Variants in NHSL3 observed in about 807,000 individuals in gnomAD.
NHSL3 encodes the protein NHS like 3, also known as NHS-like protein 3.
At chr1:32,762,267 G>A in the NHSL3 span, among the ~76,000 whole-genome samples, 1 of 152,018 alleles carries the variant, frequency 6.6e-6, no homozygotes, top group African/African-American at 2.4e-5. Context: ...GTGTTGCTTG[G>A]GAGCCTCTGT....
chr1:32,757,652 T>C, the NHSL3 span, among the ~76,000 whole-genome samples: 1 of 152,162 alleles, frequency 6.6e-6, no homozygotes, highest in Non-Finnish European at 1.5e-5. Flanking sequence ...AGTTAATTCA[T>C]TTGTCCTTTG....
At chr1:32,757,847 CATCTT>C in the NHSL3 span, among the ~76,000 whole-genome samples, 64 of 152,252 alleles carry the variant, frequency 4.2e-4, no homozygotes, top group Middle Eastern at 3.4e-3. Context: ...AGAAGGGTGT[CATCTT>C]ATGACACCCT....
At chr1:32,745,981 A>T in the NHSL3 span, among the ~76,000 whole-genome samples, 1 of 152,158 alleles carries the variant, frequency 6.6e-6, no homozygotes, top group African/African-American at 2.4e-5. Flanking sequence ...CTGTAATCCC[A>T]GCACTTTGGG....
At chr1:32,769,684 C>G in the NHSL3 span, 1 of 1,612,664 alleles carries the variant, frequency 6.2e-7, no homozygotes, top group Non-Finnish European at 8.5e-7. Context: ...CTCCACCTTC[C>G]GACCCCATGA....
At chr1:32,767,539 C>T in the NHSL3 span, among the ~76,000 whole-genome samples, 163 of 151,950 alleles carry the variant, frequency 1.1e-3, no homozygotes, top group Non-Finnish European at 1.9e-3. Context: ...TTATATGGGG[C>T]CCTTTGTGTG....
chr1:32,742,121 C>A, the NHSL3 span: 1 of 1,247,164 alleles, frequency 8.0e-7, no homozygotes, highest in Non-Finnish European at 1.0e-6. Flanking sequence ...GCCGAGGGCG[C>A]CGAACCGGCC....
chr1:32,747,754 G>A, the NHSL3 span, among the ~76,000 whole-genome samples: 1 of 152,036 alleles, frequency 6.6e-6, no homozygotes, highest in African/African-American at 2.4e-5. Flanking sequence ...CTTGAGGTCA[G>A]GAGTTCAAAA....
chr1:32,755,378 C>T, the NHSL3 span, among the ~76,000 whole-genome samples: 1 of 152,152 alleles, frequency 6.6e-6, no homozygotes. Context: ...CCAGGATGGC[C>T]CACATTCCTA....
chr1:32,742,268 G>A, the NHSL3 span: 4 of 1,209,696 alleles, frequency 3.3e-6, no homozygotes, highest in Non-Finnish European at 4.1e-6. Context: ...GGGTCCGCGC[G>A]CGGCGTGTTG....
At chr1:32,746,608 C>G in the NHSL3 span, among the ~76,000 whole-genome samples, 1 of 152,182 alleles carries the variant, frequency 6.6e-6, no homozygotes, top group African/African-American at 2.4e-5. Flanking sequence ...CCCGAGGTCA[C>G]TCAGCTTCAT....
At chr1:32,759,238 G>C in the NHSL3 span, among the ~76,000 whole-genome samples, 2 of 151,872 alleles carry the variant, frequency 1.3e-5, no homozygotes, top group African/African-American at 2.4e-5. Context: ...TTACAGATGA[G>C]GGGACTGAGG....
the NHSL3 span, among the ~76,000 whole-genome samples, chr1:32,752,901 G>GCACACACA: frequency 1.4e-5 from 1 of 71,622 alleles, no homozygotes; most frequent in African/African-American, 5.8e-5. Context: ...AAAAAAACAT[G>GCACACACA]CACACACACA....
the NHSL3 span, chr1:32,742,287 T>C: frequency 1.8e-6 from 2 of 1,107,166 alleles, no homozygotes; most frequent in Non-Finnish European, 2.3e-6. Flanking sequence ...TGGAGGGGGG[T>C]GACCCCCAGG....
At chr1:32,743,420 G>C in the NHSL3 span, among the ~76,000 whole-genome samples, 2 of 152,074 alleles carry the variant, frequency 1.3e-5, no homozygotes, top group African/African-American at 4.8e-5. Flanking sequence ...ATAGAAGTGA[G>C]GGTGCTGGGG....
the NHSL3 span, among the ~76,000 whole-genome samples, chr1:32,755,521 C>T: frequency 6.6e-6 from 1 of 152,116 alleles, no homozygotes; most frequent in African/African-American, 2.4e-5. Context: ...TGAGCAGATT[C>T]CTTTCACTTG....
At chr1:32,761,080 C>T in the NHSL3 span, among the ~76,000 whole-genome samples, 3 of 152,164 alleles carry the variant, frequency 2.0e-5, no homozygotes, top group Non-Finnish European at 4.4e-5. Context: ...GAAGCCTCCT[C>T]CCCCAGGCAT....
chr1:32,762,608 C>A, the NHSL3 span, among the ~76,000 whole-genome samples: 1 of 151,034 alleles, frequency 6.6e-6, no homozygotes, highest in Non-Finnish European at 1.5e-5. Context: ...TTTTTTGAGA[C>A]GGAATTTTTT....
At chr1:32,766,853 G>A in the NHSL3 span, among the ~76,000 whole-genome samples, 1 of 152,200 alleles carries the variant, frequency 6.6e-6, no homozygotes, top group Admixed American at 6.5e-5. Context: ...GGCGGGGCTT[G>A]TAACAGGATC....
At chr1:32,771,426 G>T in the NHSL3 span, 1 of 1,588,070 alleles carries the variant, frequency 6.3e-7, no homozygotes, top group Non-Finnish European at 8.6e-7. Context: ...AGCCAGAGGT[G>T]GTTGTGGAGG....
Sources: gnomAD v4.1 joint callset for allele counts (sites outside exome capture counted in the v4.1 genomes callset) on GRCh38, gnomAD v4.1.1 for gene constraint, MANE v1.5 for transcripts, NCBI Gene and HGNC (gene_info 2026-07-23, HGNC 2026-07-21) for gene names.